Variants in CCDC171 observed in about 807,000 individuals in gnomAD.
The protein encoded by CCDC171 is coiled-coil domain-containing protein 171.
Under a neutral mutation model 168.2 loss-of-function variants are expected in CCDC171, and 177 were observed. The ratio of observed to expected loss-of-function variants is 1.05; its 90% CI spans 0.93 to 1.19. The LOEUF is 1.19. Ranked by LOEUF, CCDC171 falls within the 50% of genes most tolerant of loss-of-function variation. The pLI, the probability that CCDC171 is intolerant of heterozygous loss-of-function variation, is 0.00. For missense variants in CCDC171, 1,991 were observed against 1,539.0 expected (o/e 1.29, Z -4.91); for synonymous variants, 687 against 540.8 (o/e 1.27, Z -3.75).
chr9:15,913,591 C>G (rs1247228424), intron 24 of CCDC171, among the ~76,000 whole-genome samples: 1 of 152,100 alleles, frequency 6.6e-6, no homozygotes, highest in Non-Finnish European at 1.5e-5. Context: ...TTAGAACATG[C>G]TCCTTTAGCT....
chr9:15,981,619 A>T (rs1034321656), intron 3 of CCDC171, among the ~76,000 whole-genome samples: 5 of 152,190 alleles, frequency 3.3e-5, no homozygotes, highest in African/African-American at 1.2e-4. Context: ...GTAACTACCT[A>T]AACAATGTTA....
chr9:15,710,106 A>C (rs2052547176), intron 11 of CCDC171, among the ~76,000 whole-genome samples: 1 of 152,202 alleles, frequency 6.6e-6, no homozygotes, highest in Admixed American at 6.5e-5. Context: ...ACTCTAAAAA[A>C]TGAAGTCTTT....
At chr9:15,729,857 C>CTTT in intron 16 of CCDC171, 59 bp downstream of exon 16, 3 of 1,193,720 alleles carry the variant, frequency 2.5e-6, no homozygotes, top group Non-Finnish European at 2.3e-6. Context: ...CCATTAGAAA[C>CTTT]TTTTTTTTTT....
chr9:15,991,597 G>A (rs987680017), intron 3 of CCDC171, among the ~76,000 whole-genome samples: 5 of 152,092 alleles, frequency 3.3e-5, no homozygotes, highest in Non-Finnish European at 7.4e-5. Context: ...AACTGAAGGA[G>A]ATACAGACAC....
intron 2 of CCDC171, among the ~76,000 whole-genome samples, chr9:15,565,039 C>A (rs78381481): frequency 5.5e-4 from 84 of 151,592 alleles, no homozygotes; most frequent in South Asian, 2.7e-3. Context: ...ATGTAATTTA[C>A]CCGTAAATTT....
chr9:15,931,570 T>C (rs1271170652), intron 25 of CCDC171, among the ~76,000 whole-genome samples: 1 of 151,188 alleles, frequency 6.6e-6, no homozygotes, highest in Non-Finnish European at 1.5e-5. Flanking sequence ...TTCTGTAGGT[T>C]GTCTCTTTAC....
rs1367295373 is a variant in CCDC171 at position 15,677,914 on chromosome 9, ATATATATATAT to A, written c.1077-843_1077-833del. Among the ~76,000 whole-genome samples, 172 of 29,944 alleles carry A rather than the reference ATATATATATAT, an allele frequency of 5.7e-3. 28 individuals carry two copies. The East Asian group carries it at 0.16, about 28-fold the overall frequency. The allele number at this position is 29,944 out of a possible 152,430, so 19.6% of individuals were successfully genotyped here. A position where few individuals can be genotyped will look rare whatever the true frequency, so the allele number is the denominator to read the frequency against. ...TATATATATATATATATATATATAT[ATATATATATAT>A]AAGAGATGTGGTCTCATTCTGTTAC... On this transcript the variant is annotated intron_variant, in intron 9 of 25. Transcript: ENST00000380701.
chr9:15,862,207 TTC>T (rs1318356847), intron 23 of CCDC171, among the ~76,000 whole-genome samples: 2 of 151,876 alleles, frequency 1.3e-5, no homozygotes, highest in East Asian at 3.9e-4. Flanking sequence ...GACTTAAAAA[TTC>T]TCTTTTTTTG....
At chr9:15,627,616 A>C (rs990313482) in intron 7 of CCDC171, among the ~76,000 whole-genome samples, 4 of 152,158 alleles carry the variant, frequency 2.6e-5, no homozygotes, top group Non-Finnish European at 4.4e-5. Context: ...GTTTCCACGT[A>C]GTTGAGTGGT....
intron 6 of CCDC171, among the ~76,000 whole-genome samples, chr9:15,595,297 G>T (rs1006360154): frequency 6.6e-6 from 1 of 151,818 alleles, no homozygotes; most frequent in Non-Finnish European, 1.5e-5. Flanking sequence ...ATCCCTCCCC[G>T]CTCCCCTGAC....
At chr9:15,623,200 A>G (rs1033279638) in intron 6 of CCDC171, 67 bp from the exon 7 acceptor site, 7 of 1,170,798 alleles carry the variant, frequency 6.0e-6, no homozygotes, top group South Asian at 4.2e-5. Context: ...ACTGTCTTCT[A>G]TTGGAGTGAC....
At chr9:16,079,682 GA>G in the CCDC171 span, among the ~76,000 whole-genome samples, 1 of 152,198 alleles carries the variant, frequency 6.6e-6, no homozygotes. Context: ...CCAGAACTGT[GA>G]GACGATAATT....
At chr9:15,801,391 CT>C (rs1161221226) in intron 21 of CCDC171, among the ~76,000 whole-genome samples, 12 of 151,878 alleles carry the variant, frequency 7.9e-5, no homozygotes, top group South Asian at 2.1e-4. Context: ...AATGGGATTA[CT>C]TTTTTTATTG....
chr9:16,019,861 T>C (rs773719636), intron 3 of CCDC171, among the ~76,000 whole-genome samples: 3 of 152,244 alleles, frequency 2.0e-5, no homozygotes, highest in Non-Finnish European at 2.9e-5. Flanking sequence ...CACTGATTAG[T>C]GACTTCTGGG....
chr9:15,774,749 A>T (rs1046786301), intron 18 of CCDC171, among the ~76,000 whole-genome samples: 1 of 152,272 alleles, frequency 6.6e-6, no homozygotes, highest in East Asian at 1.9e-4. Flanking sequence ...ATTGGTATCT[A>T]TATACCATGG....
chr9:16,091,312 GAAAAGAA>G, the CCDC171 span, among the ~76,000 whole-genome samples: 5 of 152,146 alleles, frequency 3.3e-5, no homozygotes, highest in Non-Finnish European at 7.3e-5. Context: ...CTACCCAATG[GAAAAGAA>G]ATGAGATAAT....
chr9:15,870,673 T>G (rs1315405760), intron 23 of CCDC171, among the ~76,000 whole-genome samples: 1 of 151,760 alleles, frequency 6.6e-6, no homozygotes, highest in East Asian at 1.9e-4. Context: ...GTTTTTTTTT[T>G]AATTGGAACA....
intron 25 of CCDC171, 31 bp downstream of exon 25, chr9:15,920,453 C>G (rs756937982): frequency 2.0e-6 from 3 of 1,478,358 alleles, no homozygotes; most frequent in Non-Finnish European, 2.8e-6. Flanking sequence ...ATTTTTATAA[C>G]TTTTTGAATC....
intron 7 of CCDC171, among the ~76,000 whole-genome samples, chr9:15,624,489 T>C (rs1046538362): frequency 1.3e-5 from 2 of 150,604 alleles, no homozygotes; most frequent in African/African-American, 4.9e-5. Context: ...CAGGCCCCGG[T>C]GTGTGATGTT....
Sources: allele counts gnomAD v4.1 joint callset (sites outside exome capture counted in the v4.1 genomes callset), GRCh38; gene constraint gnomAD v4.1.1; transcripts MANE v1.5; gene names NCBI Gene and HGNC (gene_info 2026-07-23, HGNC 2026-07-21).